HSF5: variants seen among roughly 807,000 people sequenced by gnomAD.
The protein encoded by HSF5 is heat shock factor protein 5.
In HSF5, 5 loss-of-function variants were observed where a neutral mutation model predicts 50.8. The observed-to-expected ratio is 0.10, with a 90% CI of 0.05 to 0.21. The LOEUF (loss-of-function observed/expected upper bound fraction) is 0.21. HSF5 is among the 10% of genes least tolerant of loss of function. The pLI, the probability that HSF5 is intolerant of heterozygous loss-of-function variation, is 1.00. For synonymous variants in HSF5, 307 were observed against 307.4 expected, an observed-to-expected ratio of 1.00 and a Z score of 0.02; for missense variants, 564 against 762.6, an observed-to-expected ratio of 0.74 and a Z score of 3.07.
chr17:58,482,526 T>C lies in HSF5; in HGVS notation c.551-2259A>G, dbSNP rs139886488. 5.3e-3 allele frequency among the ~76,000 whole-genome samples: 800 copies of C among 151,604 alleles called. 3 individuals are homozygous for C. The highest frequency in any genetic ancestry group is 0.014 in the Middle Eastern group (4 of 294). ...GAGTTCAAGACCAGCCTGACTAACA[T>C]GGAGAAACCCCGTCTCTACTAAAAA... On this transcript the variant is annotated intron_variant, in intron 1 of 5. Transcript: ENST00000323777.
At chr17:58,424,006 A>C (rs1974258571) in intron 5 of HSF5, among the ~76,000 whole-genome samples, 1 of 152,222 alleles carries the variant, frequency 6.6e-6, no homozygotes, top group Non-Finnish European at 1.5e-5. Context: ...AAAGCATTTG[A>C]AATAGTACCT....
intron 5 of HSF5, among the ~76,000 whole-genome samples, chr17:58,428,134 T>C (rs1448726953): frequency 2.0e-5 from 3 of 152,244 alleles, no homozygotes; most frequent in Non-Finnish European, 4.4e-5. Flanking sequence ...GTAGGCCATA[T>C]AAAAACTGTC....
intron 5 of HSF5, among the ~76,000 whole-genome samples, chr17:58,439,270 GA>G (rs995663936): frequency 1.6e-5 from 2 of 126,290 alleles, no homozygotes; most frequent in Non-Finnish European, 3.4e-5. Context: ...AAAGCCAATG[GA>G]AAAAAAAAAC....
At chr17:58,439,184 C>T (rs1411944954) in intron 5 of HSF5, among the ~76,000 whole-genome samples, 2 of 151,306 alleles carry the variant, frequency 1.3e-5, no homozygotes, top group Admixed American at 1.3e-4. Flanking sequence ...TAACATTAAG[C>T]TAAGCCCAAC....
chr17:58,434,803 T>C (rs926390387), intron 5 of HSF5, among the ~76,000 whole-genome samples: 2 of 152,176 alleles, frequency 1.3e-5, no homozygotes, highest in African/African-American at 4.8e-5. Context: ...CAGTGAGCTG[T>C]ATTCACACCA....
rs116729596 is a variant in HSF5, at chr17:58,446,288, C to T, written c.1720+12480G>A. On this transcript the variant is annotated intron_variant, in intron 5 of 5. Transcript: ENST00000323777. ...GCTGAAGAAATCAGGTGATGAATCA[C>T]AGTGCCTGGATTTAGCATAACAAGA... Among the ~76,000 whole-genome samples, 1,045 of 152,224 alleles carry T rather than the reference C, an allele frequency of 6.9e-3. 8 individuals are homozygous for T. The highest frequency in any genetic ancestry group is 0.023 in the African/African-American group (966 of 41,506).
At chr17:58,454,336 A>G (rs375678020) in intron 5 of HSF5, among the ~76,000 whole-genome samples, 1 of 152,314 alleles carries the variant, frequency 6.6e-6, no homozygotes, top group East Asian at 1.9e-4. Flanking sequence ...AACATACCTC[A>G]ACACGATAAA....
chr17:58,422,112 A>G lies in HSF5; in HGVS notation c.*248T>C. The G allele has an allele frequency of 2.4e-6, 1 of 416,716 alleles. No homozygotes were observed. The highest frequency in any genetic ancestry group is 4.3e-6 in the Non-Finnish European group (1 of 231,112). The allele number at this position is 416,716 out of a possible 1,614,324, so 25.8% of individuals were successfully genotyped here. On this transcript the variant is annotated 3_prime_UTR_variant, in exon 6 of 6. Transcript: ENST00000323777. The stretch of plus-strand genomic sequence containing the variant: ...AGAAGGTCAGAACTTTTCATTTAAA[A>G]GGGATCTGGGCAGCCAAAAAACGTG...
In HSF5 at chr17:58,468,039, C is replaced by A. The variant is rs147936438; in HGVS notation, c.926-1060G>T. ...AAGCTCAGTGATATTAAGTAATTTG[C>A]CAAAAGTCACAAAGCTGGAAGTGAC... On this transcript the variant is annotated intron_variant, in intron 2 of 5. Transcript: ENST00000323777. 6.5e-3 allele frequency among the ~76,000 whole-genome samples: 982 copies of A among 152,158 alleles called. 13 individuals are homozygous for A. Among genetic ancestry groups the A allele is most frequent in the African/African-American group, 0.022 (913 of 41,490 alleles).
At chr17:58,474,276 TATTA>T in intron 2 of HSF5, among the ~76,000 whole-genome samples, 2 of 152,358 alleles carry the variant, frequency 1.3e-5, no homozygotes, top group Middle Eastern at 6.8e-3. Flanking sequence ...AAGTTTTTTG[TATTA>T]ACAATAAAAT....
chr17:58,456,162 T>TAC (rs1555642240), intron 5 of HSF5, among the ~76,000 whole-genome samples: 27 of 107,090 alleles, frequency 2.5e-4, no homozygotes, highest in African/African-American at 9.2e-4. Flanking sequence ...TGTGTGTGTG[T>TAC]ATATACACAC....
intron 2 of HSF5, among the ~76,000 whole-genome samples, chr17:58,472,805 A>G (rs1974966031): frequency 6.6e-6 from 1 of 152,110 alleles, no homozygotes; most frequent in Non-Finnish European, 1.5e-5. Context: ...CACTCCCCAG[A>G]GCCCCCAGGC....
At chr17:58,431,804 G>A (rs1567905712) in intron 5 of HSF5, among the ~76,000 whole-genome samples, 1 of 152,112 alleles carries the variant, frequency 6.6e-6, no homozygotes, top group Non-Finnish European at 1.5e-5. Flanking sequence ...GAAACCTGAG[G>A]GTGGTTTGAC....
chr17:58,427,639 T>C (rs1974312822), intron 5 of HSF5, among the ~76,000 whole-genome samples: 2 of 152,228 alleles, frequency 1.3e-5, no homozygotes, highest in Admixed American at 1.3e-4. Flanking sequence ...AGAAATTTTT[T>C]ATTTGGTTCC....
chr17:58,458,176 A>G (rs1002191454), intron 5 of HSF5, among the ~76,000 whole-genome samples: 10 of 152,198 alleles, frequency 6.6e-5, no homozygotes, highest in Non-Finnish European at 1.2e-4. Flanking sequence ...GTTTTATTAG[A>G]TGTTACTATT....
In HSF5 at chr17:58,450,443, A is replaced by T. The variant is rs137919727; in HGVS notation, c.1720+8325T>A. Among the ~76,000 whole-genome samples, 695 of 151,990 alleles carry T rather than the reference A, an allele frequency of 4.6e-3. 4 individuals carry two copies. The highest frequency in any genetic ancestry group is 5.7e-3 in the Non-Finnish European group (389 of 67,986). On this transcript the variant is annotated intron_variant, in intron 5 of 5. Coordinates refer to ENST00000323777, the MANE Select transcript of HSF5 (RefSeq NM_001080439.3). ...CATCCAAACAAGAAGAGCATTAGCTATACTTATATCAGATAAAATGGACTT... is the reference window on the plus strand; with the variant it reads ...CATCCAAACAAGAAGAGCATTAGCTTTACTTATATCAGATAAAATGGACTT...
intron 5 of HSF5, among the ~76,000 whole-genome samples, chr17:58,423,530 C>T (rs897192404): frequency 6.7e-6 from 1 of 148,710 alleles, no homozygotes; most frequent in Admixed American, 6.7e-5. Flanking sequence ...CACTGTCACC[C>T]GCGCTGGAGT....
intron 1 of HSF5, among the ~76,000 whole-genome samples, chr17:58,486,296 C>T (rs1269746645): frequency 6.6e-6 from 1 of 152,012 alleles, no homozygotes; most frequent in Non-Finnish European, 1.5e-5. Context: ...ACCCGAGAGG[C>T]GGAGGTTGTG....
At chr17:58,470,424 A>G (rs1457231058) in intron 2 of HSF5, among the ~76,000 whole-genome samples, 1 of 152,218 alleles carries the variant, frequency 6.6e-6, no homozygotes, top group Non-Finnish European at 1.5e-5. Context: ...AAGGACAAAT[A>G]TTATACGATT....
Sources: gnomAD v4.1 joint callset for allele counts (sites outside exome capture counted in the v4.1 genomes callset) on GRCh38, gnomAD v4.1.1 for gene constraint, MANE v1.5 for transcripts, NCBI Gene and HGNC (gene_info 2026-07-23, HGNC 2026-07-21) for gene names.